Variants in SF3B1 observed in about 807,000 individuals in gnomAD.
The protein encoded by SF3B1 is splicing factor 3b subunit 1, also known as pre-mRNA processing 10.
Under a neutral mutation model 153.8 loss-of-function variants are expected in SF3B1, and 12 were observed. The ratio of observed to expected loss-of-function variants is 0.08; its 90% confidence interval spans 0.05 to 0.13. The LOEUF (loss-of-function observed/expected upper bound fraction) is 0.13. Ranked by LOEUF, SF3B1 falls within the 10% of genes least tolerant of loss-of-function variation. The pLI is 1.00. For synonymous variants in SF3B1, 498 were observed against 525.2 expected, an observed-to-expected ratio of 0.95 and a Z score of 0.71; for missense variants, 513 against 1,606.1, an observed-to-expected ratio of 0.32 and a Z score of 11.63.
In SF3B1 at chr2:197,423,965, G is replaced by C; in HGVS notation, c.38C>G (p.Ala13Gly). ...CTTGCCTTGAATTTCTCGAATCTGT[G>C]CTTCAATATCTATAAAAAGATAACA... is the stretch of plus-strand genomic sequence containing the variant. The part of the protein sequence containing the change: ...KIAKTHEDIE[A>G]QIREIQGKKA... Residue 13 changes from alanine to glycine, a missense_variant, in exon 2 of 25, where the codon GCA becomes GGA. Ala to Gly is a moderately conservative substitution (Grantham distance 60). Coordinates refer to ENST00000335508, the MANE Select transcript of SF3B1 (RefSeq NM_012433.4). The C allele has an allele frequency of 6.2e-7, 1 of 1,607,724 alleles. No individual in the cohort carries two copies. Among genetic ancestry groups the C allele is most frequent in the Non-Finnish European group, 8.5e-7 (1 of 1,178,512 alleles).
intron 4 of SF3B1, chr2:197,418,974 T>TTAG: frequency 6.5e-7 from 1 of 1,543,326 alleles, no homozygotes; most frequent in Non-Finnish European, 8.9e-7. Context: ...CTCTTTACCA[T>TTAG]TAGTAACACT....
At chr2:197,418,221 G>A (rs112085242) in intron 5 of SF3B1, among the ~76,000 whole-genome samples, 18 of 60,660 alleles carry the variant, frequency 3.0e-4, no homozygotes, top group African/African-American at 8.8e-4. Flanking sequence ...GGATGACAGA[G>A]TGAGACTGTG....
chr2:197,399,010 T>C, intron 20 of SF3B1: 1 of 1,267,798 alleles, frequency 7.9e-7, no homozygotes, highest in Non-Finnish European at 1.0e-6. Context: ...CTCCCTGCAA[T>C]GCAGGGCATA....
intron 11 of SF3B1, 100 bp from the exon 12 acceptor site, chr2:197,403,864 G>C: frequency 3.4e-6 from 3 of 877,254 alleles, no homozygotes; most frequent in Non-Finnish European, 5.1e-6. Flanking sequence ...TAATATTTTA[G>C]TGTTTACTTT....
intron 7 of SF3B1, among the ~76,000 whole-genome samples, chr2:197,409,506 G>A (rs1472611050): frequency 2.6e-5 from 4 of 152,106 alleles, no homozygotes; most frequent in Non-Finnish European, 5.9e-5. Flanking sequence ...AGGCTACAGT[G>A]AGCAAGACCC....
chr2:197,426,632 T>C (rs1378480128), intron 1 of SF3B1, among the ~76,000 whole-genome samples: 1 of 152,162 alleles, frequency 6.6e-6, no homozygotes, highest in Non-Finnish European at 1.5e-5. Context: ...AAGGACCACC[T>C]ACAAAGAAAT....
intron 6 of SF3B1, among the ~76,000 whole-genome samples, chr2:197,413,892 C>T (rs1281642328): frequency 6.6e-6 from 1 of 152,026 alleles, no homozygotes; most frequent in Non-Finnish European, 1.5e-5. Context: ...CTGCAACCTC[C>T]ACCTCCCGGG....
Position 197,391,042 on chromosome 2 carries a change from G to A in SF3B1, c.*1261C>T, listed in dbSNP as rs2084805372. 6.6e-6 allele frequency: 1 copy of A among 152,012 alleles called. No individual in the cohort carries two copies. Among genetic ancestry groups the A allele is most frequent in the African/African-American group, 2.4e-5 (1 of 41,368 alleles). The allele number at this position is 152,012 out of a possible 1,614,324, so 9.4% of individuals were successfully genotyped here. A position where few individuals can be genotyped will look rare whatever the true frequency, so the allele number is the denominator to read the frequency against. ...GAGTTCACAGAAGTACTACCACATG[G>A]AGACAAAACAAAACAGTAAAAATAG... On this transcript the variant is annotated 3_prime_UTR_variant, in exon 25 of 25. Transcript: ENST00000335508.
chr2:197,395,979 CTAA>C (rs1377974363), intron 23 of SF3B1, 74 bp downstream of exon 23: 2 of 1,309,918 alleles, frequency 1.5e-6, no homozygotes, highest in Non-Finnish European at 2.1e-6. Context: ...AAAAAGTCAT[CTAA>C]TAACTATTTC....
chr2:197,405,197 A>T lies in SF3B1; in HGVS notation c.1438-20T>A. ...ATCAACCTATAGTAAAAAGAAAAAA[A>T]TGTTAAGGGAAGTTGAAATGTTATG... is the stretch of plus-strand genomic sequence containing the variant. On this transcript the variant is annotated intron_variant, in intron 10 of 24. Coordinates refer to ENST00000335508, the MANE Select transcript of SF3B1 (RefSeq NM_012433.4). 6.2e-7 allele frequency: 1 copy of T among 1,601,034 alleles called. No homozygotes were observed. The highest frequency in any genetic ancestry group is 8.5e-7 in the Non-Finnish European group (1 of 1,170,184).
At chr2:197,404,921 G>A in intron 11 of SF3B1, 155 bp downstream of exon 11, 1 of 575,794 alleles carries the variant, frequency 1.7e-6, no homozygotes, top group Non-Finnish European at 3.1e-6. Context: ...CCTCACACCT[G>A]TAATCCCAGC....
chr2:197,425,869 A>C (rs774795273), intron 1 of SF3B1, among the ~76,000 whole-genome samples: 30 of 151,956 alleles, frequency 2.0e-4, no homozygotes, highest in Non-Finnish European at 3.5e-4. Flanking sequence ...GTATGGTGGC[A>C]AACCTATAGT....
At chr2:197,420,800 A>C (rs936043296) in intron 3 of SF3B1, among the ~76,000 whole-genome samples, 2 of 152,240 alleles carry the variant, frequency 1.3e-5, no homozygotes, top group Admixed American at 6.5e-5. Context: ...GTATAATCTC[A>C]ACTACTTGGG....
chr2:197,411,198 A>C (rs2085062450), intron 6 of SF3B1, among the ~76,000 whole-genome samples: 1 of 152,204 alleles, frequency 6.6e-6, no homozygotes, highest in East Asian at 1.9e-4. Context: ...ACAGTAGTTC[A>C]AACAGAGAGT....
intron 22 of SF3B1, 58 bp from the exon 23 acceptor site, chr2:197,396,386 G>T: frequency 7.1e-7 from 1 of 1,406,570 alleles, no homozygotes; most frequent in Non-Finnish European, 9.7e-7. Flanking sequence ...ATTTATGGAA[G>T]AAAAAAATGC....
rs770767538 is a variant in SF3B1, at chr2:197,402,873, TC to T, written c.1807-48del. The T allele has an allele frequency of 1.2e-6, 2 of 1,611,164 alleles. No homozygotes were observed. The highest frequency in any genetic ancestry group is 1.7e-6 in the Non-Finnish European group (2 of 1,178,126). Reference sequence around the variant, plus strand: ...GACAGTCATGAGTTGGTAATATTAATCTTCAACCATTTCTTTCCATAATCAA... The same window carrying T: ...GACAGTCATGAGTTGGTAATATTAATTTCAACCATTTCTTTCCATAATCAA... On this transcript the variant is annotated intron_variant, in intron 13 of 24. Transcript: ENST00000335508. This position sits in a 1 kb window ranked among gnomAD's most constrained non-coding sequence, Gnocchi z 4.6.
chr2:197,425,025 G>T (rs2085311228), intron 1 of SF3B1, among the ~76,000 whole-genome samples: 1 of 152,154 alleles, frequency 6.6e-6, no homozygotes, highest in Non-Finnish European at 1.5e-5. Context: ...CAGGTGTAAT[G>T]GCGCACGCCT....
chr2:197,401,647 AT>A lies in SF3B1; in HGVS notation c.2370+94del. On this transcript the variant is annotated intron_variant, in intron 16 of 24. Coordinates refer to ENST00000335508, the MANE Select transcript of SF3B1 (RefSeq NM_012433.4). The surrounding 1 kb of genome is among the most constrained non-coding windows in gnomAD (Gnocchi z 4.2). ...ACAAATCAAACAGTATTCGTGTAACATACAGTTTTTTTTGTTGATTTTTAAA... is the reference window on the plus strand; with the variant it reads ...ACAAATCAAACAGTATTCGTGTAACAACAGTTTTTTTTGTTGATTTTTAAA... 6.7e-7 allele frequency: 1 copy of A among 1,487,180 alleles called. No homozygotes were observed. 92.1% of individuals were successfully genotyped at this position (1,487,180 alleles called of 1,614,324 possible). A position where few individuals can be genotyped will look rare whatever the true frequency, so the allele number is the denominator to read the frequency against.
rs1216779505 is a variant in SF3B1 at position 197,392,123 on chromosome 2, T to A, written c.*180A>T. On this transcript the variant is annotated 3_prime_UTR_variant, in exon 25 of 25. Coordinates refer to ENST00000335508, the MANE Select transcript of SF3B1 (RefSeq NM_012433.4). ...ACTGTGTTCTTGGTCACTACTGGCA[T>A]TTACTGTTTAACATCAAAAACAAAG... The A allele has an allele frequency of 4.6e-6, 2 of 437,118 alleles. No homozygotes were observed. Among genetic ancestry groups the A allele is most frequent in the Non-Finnish European group, 8.1e-6 (2 of 246,934 alleles). The allele number at this position is 437,118 out of a possible 1,614,324, so 27.1% of individuals were successfully genotyped here. A position where few individuals can be genotyped will look rare whatever the true frequency, so the allele number is the denominator to read the frequency against.
Sources: gnomAD v4.1 joint callset for allele counts (sites outside exome capture counted in the v4.1 genomes callset) on GRCh38, gnomAD v4.1.1 for gene constraint, Gnocchi (gnomAD v3.1) non-coding constraint, MANE v1.5 for transcripts, NCBI Gene and HGNC (gene_info 2026-07-23, HGNC 2026-07-21) for gene names.